The following SSBP2 variants were observed in gnomAD, a reference collection of about 807,000 sequenced individuals.
The protein encoded by SSBP2 is single stranded DNA binding protein 2.
SSBP2 carries 17 observed loss-of-function variants against 61.8 expected under a neutral mutation model. The observed-to-expected ratio is 0.28, with a 90% CI of 0.19 to 0.41. The LOEUF is 0.41. SSBP2 is among the 10% of genes least tolerant of loss of function. SSBP2 has a pLI of 1.00. For missense variants in SSBP2, 310 were observed against 458.7 expected (o/e 0.68, Z 2.96); for synonymous variants, 139 against 141.3 (o/e 0.98, Z 0.12).
intron 1 of SSBP2, among the ~76,000 whole-genome samples, chr5:81,681,742 A>T (rs1041208062): frequency 3.3e-5 from 5 of 152,160 alleles, no homozygotes; most frequent in African/African-American, 1.2e-4. Context: ...AATGAAATTG[A>T]TGAAAAGGAA....
chr5:81,563,784 T>C (rs11954508), intron 4 of SSBP2, among the ~76,000 whole-genome samples: 50,649 of 151,940 alleles, frequency 0.33, 8,887 homozygotes, highest in African/African-American at 0.45. Context: ...CCTGAAACCA[T>C]AAAACTACTA....
At chr5:81,426,541 T>G (rs1761961481) in intron 16 of SSBP2, among the ~76,000 whole-genome samples, 1 of 152,144 alleles carries the variant, frequency 6.6e-6, no homozygotes, top group Non-Finnish European at 1.5e-5. Flanking sequence ...GAGCCAGAAG[T>G]TAGGGGTGGA....
intron 1 of SSBP2, 76 bp downstream of exon 1, chr5:81,750,905 T>C (rs1217973814): frequency 6.1e-6 from 9 of 1,485,620 alleles, no homozygotes; most frequent in Non-Finnish European, 7.3e-6. Flanking sequence ...TGTCTGTGTC[T>C]CCCAGAGTGT....
At chr5:81,722,455 T>A (rs896008680) in intron 1 of SSBP2, among the ~76,000 whole-genome samples, 23 of 149,744 alleles carry the variant, frequency 1.5e-4, no homozygotes, top group Non-Finnish European at 2.1e-4. Flanking sequence ...GCCACTTAAT[T>A]CTCATTTCTG....
At chr5:81,541,416 C>T (rs972073306) in intron 4 of SSBP2, among the ~76,000 whole-genome samples, 1 of 151,886 alleles carries the variant, frequency 6.6e-6, no homozygotes, top group Non-Finnish European at 1.5e-5. Flanking sequence ...CTAGAACAAA[C>T]GATTCTAAAA....
intron 4 of SSBP2, among the ~76,000 whole-genome samples, chr5:81,541,293 T>C (rs903461313): frequency 1.3e-5 from 2 of 152,022 alleles, no homozygotes; most frequent in African/African-American, 4.8e-5. Flanking sequence ...TGTAAAAACA[T>C]CTCATGCTCA....
At chr5:81,614,301 A>C (rs1745774165) in intron 4 of SSBP2, among the ~76,000 whole-genome samples, 1 of 140,666 alleles carries the variant, frequency 7.1e-6, no homozygotes, top group Non-Finnish European at 1.5e-5. Flanking sequence ...CGGAGCTTGC[A>C]GTGAGCCGAG....
chr5:81,738,558 C>T (rs1756779937), intron 1 of SSBP2, among the ~76,000 whole-genome samples: 1 of 152,200 alleles, frequency 6.6e-6, no homozygotes. Context: ...AACTCATCAT[C>T]TTCCTCCTTA....
chr5:81,549,509 T>G (rs1376128397), intron 4 of SSBP2, among the ~76,000 whole-genome samples: 2 of 152,190 alleles, frequency 1.3e-5, no homozygotes, highest in Non-Finnish European at 2.9e-5. Context: ...CTTGTGTTAT[T>G]GTATATGCAA....
chr5:81,489,783 TA>T (rs1399566339), intron 5 of SSBP2, among the ~76,000 whole-genome samples: 1 of 152,222 alleles, frequency 6.6e-6, no homozygotes, highest in Non-Finnish European at 1.5e-5. Context: ...TTTAAAATGA[TA>T]AATAAATTTC....
In SSBP2 at chr5:81,416,752, A is replaced by C. The variant is rs180897815; in HGVS notation, c.*3752T>G. ...AGTTCAGATATCTTAGAGAATCATA[A>C]AAATAGAAATGGAAGTTTTATTTTA... On this transcript the variant is annotated 3_prime_UTR_variant, in exon 17 of 17. Coordinates refer to ENST00000320672, the MANE Select transcript of SSBP2 (RefSeq NM_012446.5). The C allele has an allele frequency of 6.6e-6, 1 of 152,236 alleles. No homozygotes were observed. Among genetic ancestry groups the C allele is most frequent in the Non-Finnish European group, 1.5e-5 (1 of 68,044 alleles). 9.4% of individuals were successfully genotyped at this position (152,236 alleles called of 1,614,324 possible).
At chr5:81,432,936 G>C (rs556863156) in intron 15 of SSBP2, among the ~76,000 whole-genome samples, 3,714 of 144,724 alleles carry the variant, frequency 0.026, 219 homozygotes, top group African/African-American at 0.089. Flanking sequence ...GGGAGGTGGG[G>C]GGGGTCAGCC....
In SSBP2 at chr5:81,736,186, A is replaced by T. The variant is rs1004304255; in HGVS notation, c.62+14795T>A. 7.7e-5 allele frequency among the ~76,000 whole-genome samples: 4 copies of T among 51,704 alleles called. No individual in the cohort carries two copies. In the East Asian group the frequency reaches 1.0e-3, roughly 13 times the overall value. 33.9% of individuals were successfully genotyped at this position (51,704 alleles called of 152,430 possible). On this transcript the variant is annotated intron_variant, in intron 1 of 16. Transcript: ENST00000320672. ...CACACACACACACACACACACACACACACTCTACGGCACTACTGAATTTTT... is the reference window on the plus strand; with the variant it reads ...CACACACACACACACACACACACACTCACTCTACGGCACTACTGAATTTTT...
chr5:81,624,232 G>A (rs1483287191), intron 3 of SSBP2, among the ~76,000 whole-genome samples: 1 of 152,072 alleles, frequency 6.6e-6, no homozygotes, highest in Non-Finnish European at 1.5e-5. Flanking sequence ...TTAGTGCTAT[G>A]ATATTCAAGT....
intron 1 of SSBP2, among the ~76,000 whole-genome samples, chr5:81,735,714 T>G (rs1442181661): frequency 6.6e-6 from 1 of 152,164 alleles, no homozygotes; most frequent in East Asian, 1.9e-4. Context: ...TAAGATAATT[T>G]TAATAAAGAA....
chr5:81,713,689 T>G (rs754319854), intron 1 of SSBP2, among the ~76,000 whole-genome samples: 3 of 152,134 alleles, frequency 2.0e-5, no homozygotes, highest in Non-Finnish European at 4.4e-5. Flanking sequence ...TTTAGAACTT[T>G]TTTTAGAATG....
chr5:81,591,586 A>G (rs373982356), intron 4 of SSBP2, among the ~76,000 whole-genome samples: 7 of 152,182 alleles, frequency 4.6e-5, no homozygotes, highest in Admixed American at 6.5e-5. Context: ...ACAGACAGAA[A>G]CTGTGAGAGA....
At chr5:81,529,507 C>CT (rs907974294) in intron 4 of SSBP2, among the ~76,000 whole-genome samples, 2 of 152,242 alleles carry the variant, frequency 1.3e-5, no homozygotes, top group Admixed American at 1.3e-4. Flanking sequence ...TTCATATTAC[C>CT]TGGGAGACTA....
chr5:81,566,114 A>C (rs1217368009), intron 4 of SSBP2, among the ~76,000 whole-genome samples: 2 of 152,210 alleles, frequency 1.3e-5, no homozygotes, highest in African/African-American at 4.8e-5. Context: ...TGGATTATTT[A>C]TTTGTTAAAG....
Sources: gnomAD v4.1 joint callset for allele counts (sites outside exome capture counted in the v4.1 genomes callset) on GRCh38, gnomAD v4.1.1 for gene constraint, MANE v1.5 for transcripts, NCBI Gene and HGNC (gene_info 2026-07-23, HGNC 2026-07-21) for gene names.